The following SLC35F3 variants were observed in gnomAD, a reference collection of about 807,000 sequenced individuals.
SLC35F3 encodes the protein putative thiamine transporter SLC35F3.
In SLC35F3, 25 loss-of-function variants were observed where a neutral mutation model predicts 49.9. The observed-to-expected ratio is 0.50, with a 90% CI of 0.37 to 0.70. The LOEUF is 0.70. SLC35F3 is among the 30% of genes least tolerant of loss of function. The pLI, the probability that SLC35F3 is intolerant of heterozygous loss-of-function variation, is 0.00. For missense variants in SLC35F3, 525 were observed against 639.8 expected, an observed-to-expected ratio of 0.82 and a Z score of 1.94; for synonymous variants, 275 against 265.4, an observed-to-expected ratio of 1.04 and a Z score of -0.35.
chr1:234,224,249 T>C lies in SLC35F3; in HGVS notation c.284-7168T>C, dbSNP rs186106541. On this transcript the variant is annotated intron_variant, in intron 2 of 7. Coordinates refer to ENST00000366618, the MANE Select transcript of SLC35F3 (RefSeq NM_173508.4). ...GCAGCTAATTTTTTGTATTTTTTTA[T>C]AGAGATGGAGTTTCGCCATGTTGCC... 9.8e-5 allele frequency among the ~76,000 whole-genome samples: 15 copies of C among 152,286 alleles called. No individual in the cohort carries two copies. The East Asian group carries it at 2.9e-3, about 29-fold the overall frequency.
chr1:234,015,696 C>T (rs1572020233), intron 2 of SLC35F3, among the ~76,000 whole-genome samples: 1 of 152,142 alleles, frequency 6.6e-6, no homozygotes, highest in East Asian at 1.9e-4. Flanking sequence ...AGACCTGAAA[C>T]TGTAAAACTA....
chr1:233,948,945 C>T (rs1165075068), intron 2 of SLC35F3, among the ~76,000 whole-genome samples: 1 of 152,172 alleles, frequency 6.6e-6, no homozygotes, highest in Non-Finnish European at 1.5e-5. Context: ...CACAGCCTTA[C>T]AGGGGGCCAG....
intron 2 of SLC35F3, among the ~76,000 whole-genome samples, chr1:234,006,854 A>T (rs1360792775): frequency 1.3e-5 from 2 of 152,050 alleles, no homozygotes; most frequent in East Asian, 3.9e-4. Context: ...GTGGCTATTC[A>T]CTTGTATATT....
intron 2 of SLC35F3, among the ~76,000 whole-genome samples, chr1:234,205,869 T>A (rs1029648753): frequency 2.6e-5 from 4 of 152,032 alleles, no homozygotes; most frequent in Admixed American, 2.6e-4. Flanking sequence ...CCCAAGAGGC[T>A]CCTCTTGCCT....
chr1:234,030,023 G>T (rs530745460), intron 2 of SLC35F3, among the ~76,000 whole-genome samples: 1 of 152,172 alleles, frequency 6.6e-6, no homozygotes, highest in East Asian at 1.9e-4. Context: ...TTCAAATAAT[G>T]TTCAAATTAT....
At chr1:234,091,085 T>C (rs1177227789) in intron 2 of SLC35F3, among the ~76,000 whole-genome samples, 1 of 152,200 alleles carries the variant, frequency 6.6e-6, no homozygotes, top group Admixed American at 6.5e-5. Flanking sequence ...CATGAACATG[T>C]TTGCATATAA....
At chr1:234,129,402 G>A (rs143452737) in intron 2 of SLC35F3, among the ~76,000 whole-genome samples, 316 of 152,310 alleles carry the variant, frequency 2.1e-3, no homozygotes, top group African/African-American at 7.1e-3. Context: ...ACTTCTTGAT[G>A]AGAACTACAA....
intron 3 of SLC35F3, among the ~76,000 whole-genome samples, chr1:234,296,893 T>C (rs1668605830): frequency 6.6e-6 from 1 of 152,206 alleles, no homozygotes; most frequent in South Asian, 2.1e-4. Flanking sequence ...AACTAAAATT[T>C]CTTGTAGGCT....
At chr1:233,958,617 G>A (rs1465427135) in intron 2 of SLC35F3, among the ~76,000 whole-genome samples, 2 of 152,182 alleles carry the variant, frequency 1.3e-5, no homozygotes, top group Non-Finnish European at 2.9e-5. Context: ...AAGAGTGGGA[G>A]GATGTGTTGT....
chr1:234,108,472 GAT>G (rs1412878975), intron 2 of SLC35F3, among the ~76,000 whole-genome samples: 46 of 69,018 alleles, frequency 6.7e-4, no homozygotes, highest in Non-Finnish European at 9.1e-4. Context: ...ATATATAAAA[GAT>G]ATATATATAA....
chr1:234,043,052 A>T (rs925051623), intron 2 of SLC35F3, among the ~76,000 whole-genome samples: 1 of 152,226 alleles, frequency 6.6e-6, no homozygotes, highest in African/African-American at 2.4e-5. Context: ...TGTAACCACC[A>T]TCTAGTTGTA....
At chr1:234,043,898 A>G (rs1344193761) in intron 2 of SLC35F3, among the ~76,000 whole-genome samples, 1 of 152,182 alleles carries the variant, frequency 6.6e-6, no homozygotes, top group Non-Finnish European at 1.5e-5. Flanking sequence ...TAATTATATC[A>G]TGATATCATA....
intron 2 of SLC35F3, among the ~76,000 whole-genome samples, chr1:233,976,094 G>T (rs987170452): frequency 1.3e-5 from 2 of 152,176 alleles, no homozygotes; most frequent in African/African-American, 4.8e-5. Flanking sequence ...AGGCGAAGGA[G>T]GAGGAGGGAG....
intron 2 of SLC35F3, among the ~76,000 whole-genome samples, chr1:234,145,907 A>T (rs1258701174): frequency 1.3e-5 from 2 of 151,882 alleles, no homozygotes; most frequent in African/African-American, 2.4e-5. Flanking sequence ...TGTATTTATG[A>T]TCATTGTATC....
At chr1:234,052,172 A>G (rs12093412) in intron 2 of SLC35F3, among the ~76,000 whole-genome samples, 25 of 152,100 alleles carry the variant, frequency 1.6e-4, no homozygotes, top group African/African-American at 6.0e-4. Flanking sequence ...GTTAGGGAGG[A>G]TTCCCTCTTT....
chr1:234,005,386 C>A (rs1013363122), intron 2 of SLC35F3, among the ~76,000 whole-genome samples: 2 of 152,150 alleles, frequency 1.3e-5, no homozygotes, highest in Non-Finnish European at 2.9e-5. Flanking sequence ...CACCTTACAA[C>A]CTGACTTTCC....
intron 2 of SLC35F3, among the ~76,000 whole-genome samples, chr1:234,179,097 C>T (rs1666519557): frequency 6.6e-6 from 1 of 152,184 alleles, no homozygotes; most frequent in Non-Finnish European, 1.5e-5. Context: ...ACATTCCCTC[C>T]ACTGAGCCTC....
At chr1:234,013,234 C>A (rs1453305431) in intron 2 of SLC35F3, among the ~76,000 whole-genome samples, 2 of 152,006 alleles carry the variant, frequency 1.3e-5, no homozygotes, top group South Asian at 4.2e-4. Context: ...CGTGAACAAC[C>A]AATGAGTCAA....
chr1:234,210,570 C>T (rs981690808), intron 2 of SLC35F3, among the ~76,000 whole-genome samples: 4 of 152,186 alleles, frequency 2.6e-5, no homozygotes, highest in African/African-American at 9.7e-5. Context: ...AAAGGTGACT[C>T]TTGGCATTTT....
Sources: gnomAD v4.1 joint callset for allele counts (sites outside exome capture counted in the v4.1 genomes callset) on GRCh38, gnomAD v4.1.1 for gene constraint, MANE v1.5 for transcripts, NCBI Gene and HGNC (gene_info 2026-07-23, HGNC 2026-07-21) for gene names.